The following ZNF605 variants were observed in gnomAD, a reference collection of about 807,000 sequenced individuals.
The protein encoded by ZNF605 is zinc finger protein 605.
In ZNF605, 9 loss-of-function variants were observed where a neutral mutation model predicts 7.9. That is an observed-to-expected ratio of 1.14 (90% CI 0.68 to 1.98). The LOEUF (loss-of-function observed/expected upper bound fraction) is 1.98. Among genes scored for constraint, ZNF605 ranks in the 30% most tolerant of loss-of-function variants. The pLI is 0.00. For missense variants in ZNF605, 673 were observed against 762.4 expected, an observed-to-expected ratio of 0.88 and a Z score of 1.38; for synonymous variants, 255 against 260.1, an observed-to-expected ratio of 0.98 and a Z score of 0.19.
At chr12:132,938,947 G>C (rs1350217869) in intron 3 of ZNF605, among the ~76,000 whole-genome samples, 1 of 152,010 alleles carries the variant, frequency 6.6e-6, no homozygotes, top group Non-Finnish European at 1.5e-5. Flanking sequence ...CTGGCCCACC[G>C]GCGCTGCGCT....
At chr12:132,929,044 C>CAAAAAA (rs140441684) in intron 4 of ZNF605, among the ~76,000 whole-genome samples, 53 of 151,180 alleles carry the variant, frequency 3.5e-4, no homozygotes, top group African/African-American at 1.2e-3. Context: ...CAAAACAAAA[C>CAAAAAA]AAAAAAACCC....
At chr12:132,946,985 T>C (rs1337320030) in intron 2 of ZNF605, among the ~76,000 whole-genome samples, 9 of 148,132 alleles carry the variant, frequency 6.1e-5, no homozygotes, top group Non-Finnish European at 1.3e-4. Flanking sequence ...TCATGCAAAA[T>C]ACAGAAAGAG....
At chr12:132,954,523 C>T (rs1403509875) in intron 1 of ZNF605, among the ~76,000 whole-genome samples, 1 of 94,000 alleles carries the variant, frequency 1.1e-5, no homozygotes, top group Non-Finnish European at 2.3e-5. Flanking sequence ...TCACTCACTT[C>T]ATCAGGTGCC....
In ZNF605 at chr12:132,933,092, G is replaced by C. The variant is rs1952323266; in HGVS notation, c.79C>G (p.Gln27Glu). Residue 27 changes from glutamine to glutamate, a missense_variant, in exon 4 of 5, where the codon CAG becomes GAG. Coordinates refer to ENST00000360187, the MANE Select transcript of ZNF605 (RefSeq NM_183238.4). This position sits in a 1 kb window ranked among gnomAD's most constrained non-coding sequence, Gnocchi z 4.4. ...ATCACATCTCTGTACAAGTTCTTCT[G>C]AGTAGGATTAAGTAGCTGCCATTCC... The part of the protein sequence containing the change: ...LEEWQLLNPT[Q>E]KNLYRDVMLE... The C allele has an allele frequency of 6.2e-7, 1 of 1,611,870 alleles. No homozygotes were observed. Among genetic ancestry groups the C allele is most frequent in the African/African-American group, 1.3e-5 (1 of 74,866 alleles).
chr12:132,945,065 G>T, intron 3 of ZNF605: 1 of 302,046 alleles, frequency 3.3e-6, no homozygotes, highest in East Asian at 8.3e-5. Flanking sequence ...TCAGCTCACT[G>T]CAACCTCCAT....
In ZNF605 at chr12:132,925,864, A is replaced by T; in HGVS notation, c.1435T>A (p.Cys479Ser). The change falls in exon 5 of 5, where the codon TGC becomes AGC. Residue 479 changes from cysteine to serine, a missense_variant. Transcript: ENST00000360187. ...RTHTGEKPYE[C>S]SECRKTFSEK... ...CTGAAGGTTTTCCTGCATTCACTGC[A>T]TTCATAGGGTTTCTCACCTGTATGT... is the stretch of plus-strand genomic sequence containing the variant. 1 of 1,614,188 alleles carries T rather than the reference A, an allele frequency of 6.2e-7. No homozygotes were observed. Among genetic ancestry groups the T allele is most frequent in the Non-Finnish European group, 8.5e-7 (1 of 1,180,014 alleles).
intron 3 of ZNF605, among the ~76,000 whole-genome samples, chr12:132,937,264 G>A (rs771245443): frequency 2.7e-4 from 41 of 151,316 alleles, no homozygotes; most frequent in Non-Finnish European, 5.2e-4. Flanking sequence ...AAGGCTAAGG[G>A]AGGATAATTG....
At chr12:132,955,056 A>C (rs1762107425) in intron 1 of ZNF605, among the ~76,000 whole-genome samples, 1 of 152,090 alleles carries the variant, frequency 6.6e-6, no homozygotes, top group Non-Finnish European at 1.5e-5. Flanking sequence ...AAAACATACA[A>C]CTGGACAGAG....
At chr12:132,929,080 A>T (rs151025123) in intron 4 of ZNF605, among the ~76,000 whole-genome samples, 1 of 151,938 alleles carries the variant, frequency 6.6e-6, no homozygotes, top group East Asian at 1.9e-4. Context: ...TCTAGGGGGG[A>T]AAAAGCCTCA....
rs1426091057 is a variant in ZNF605, at chr12:132,925,760, A to G, written c.1539T>C (p.Ala513=). The G allele has an allele frequency of 6.2e-7, 1 of 1,613,514 alleles. No homozygotes were observed. Among genetic ancestry groups the G allele is most frequent in the South Asian group, 1.1e-5 (1 of 91,044 alleles). ...KPFECSECRK[A]FAWKPQLLRH... ...TAAGAAGCTGTGGCTTCCAGGCAAA[A>G]GCTTTCCTACATTCACTACATTCAA... Residue 513 remains alanine (A), a synonymous_variant, in exon 5 of 5, where the codon GCT becomes GCC. Coordinates refer to ENST00000360187, the MANE Select transcript of ZNF605 (RefSeq NM_183238.4).
intron 4 of ZNF605, among the ~76,000 whole-genome samples, chr12:132,932,345 ATAAAT>A (rs1377538822): frequency 6.6e-6 from 1 of 152,208 alleles, no homozygotes; most frequent in Non-Finnish European, 1.5e-5. Flanking sequence ...AAGAAAAATA[ATAAAT>A]TAAAAGTTTG....
rs755966277 is a variant in ZNF605 at position 132,925,389 on chromosome 12, C to A, written c.1910G>T (p.Arg637Ile). ...NRKSQLMIHQ[R>I]NHII ...TCATGATTTTTATATTATATGATTT[C>A]TCTGATGTATCATAAGCTGCGACTT... The change falls in exon 5 of 5, where the codon AGA becomes ATA. Residue 637 changes from arginine (R) to isoleucine (I), a missense_variant. Arg to Ile is a moderately conservative substitution (Grantham distance 97). Coordinates refer to ENST00000360187, the MANE Select transcript of ZNF605 (RefSeq NM_183238.4). The A allele has an allele frequency of 2.1e-5, 34 of 1,582,550 alleles. No homozygotes were observed. The East Asian group carries it at 6.3e-4, about 29-fold the overall frequency.
intron 2 of ZNF605, among the ~76,000 whole-genome samples, chr12:132,947,266 C>T (rs1381995648): frequency 1.3e-5 from 2 of 152,062 alleles, no homozygotes; most frequent in African/African-American, 4.8e-5. Flanking sequence ...CCGCCCACCT[C>T]AGCCTCCCAA....
At chr12:132,949,930 G>T (rs2137162175) in intron 1 of ZNF605, among the ~76,000 whole-genome samples, 1 of 152,264 alleles carries the variant, frequency 6.6e-6, no homozygotes, top group East Asian at 1.9e-4. Flanking sequence ...CAGTGTGAAG[G>T]GTTTGCGGCT....
intron 3 of ZNF605, among the ~76,000 whole-genome samples, chr12:132,943,385 G>A (rs1344642812): frequency 2.2e-4 from 34 of 151,572 alleles, no homozygotes; most frequent in African/African-American, 7.7e-4. Flanking sequence ...AAAAAAACCT[G>A]TAGTGCATGT....
In ZNF605 at chr12:132,933,496, A is replaced by C. The variant is rs200507742; in HGVS notation, c.16-341T>G. On this transcript the variant is annotated intron_variant, in intron 3 of 4. Coordinates refer to ENST00000360187, the MANE Select transcript of ZNF605 (RefSeq NM_183238.4). The surrounding 1 kb of genome is among the most constrained non-coding windows in gnomAD (Gnocchi z 4.4). ...ATGTGCCGTGGAACTGAGGCTTCCC[A>C]ACAGCCACTGAGTGAGCCTGGAGGA... Among the ~76,000 whole-genome samples, 1 of 152,198 alleles carries C rather than the reference A, an allele frequency of 6.6e-6. No homozygotes were observed. Among genetic ancestry groups the C allele is most frequent in the East Asian group, 1.9e-4 (1 of 5,196 alleles).
At chr12:132,935,300 C>T (rs1188915480) in intron 3 of ZNF605, among the ~76,000 whole-genome samples, 1 of 151,972 alleles carries the variant, frequency 6.6e-6, no homozygotes, top group East Asian at 1.9e-4. Flanking sequence ...AAAAAAAAAT[C>T]AAAGAAAATC....
intron 3 of ZNF605, among the ~76,000 whole-genome samples, chr12:132,934,699 C>T (rs369567652): frequency 0.037 from 3,386 of 92,516 alleles, 144 homozygotes; most frequent in African/African-American, 0.12. Flanking sequence ...AGCAAGATTC[C>T]GTCTAAAAAA....
chr12:132,934,951 G>A (rs1952348460), intron 3 of ZNF605, among the ~76,000 whole-genome samples: 1 of 152,286 alleles, frequency 6.6e-6, no homozygotes, highest in Non-Finnish European at 1.5e-5. Context: ...TGGTTACAGA[G>A]GGGGATGAGG....
Sources: gnomAD v4.1 joint callset for allele counts (sites outside exome capture counted in the v4.1 genomes callset) on GRCh38, gnomAD v4.1.1 for gene constraint, Gnocchi (gnomAD v3.1) non-coding constraint, MANE v1.5 for transcripts, NCBI Gene and HGNC (gene_info 2026-07-23, HGNC 2026-07-21) for gene names.